Variants in TENM2 observed in about 807,000 individuals in gnomAD.
TENM2 encodes teneurin-2.
A neutral mutation model predicts 245.2 loss-of-function variants in TENM2; 52 were observed. That is an observed-to-expected ratio of 0.21 (90% confidence interval 0.17 to 0.27). The LOEUF (loss-of-function observed/expected upper bound fraction) is 0.27. Among genes scored for constraint, TENM2 ranks in the 10% least tolerant of loss-of-function variants. TENM2 has a pLI of 1.00. For synonymous variants in TENM2, 1,363 were observed against 1,438.9 expected (o/e 0.95, Z 1.19); for missense variants, 3,046 against 3,666.8 (o/e 0.83, Z 4.37).
At chr5:167,651,501 G>A (rs953519824) in intron 2 of TENM2, among the ~76,000 whole-genome samples, 9 of 151,594 alleles carry the variant, frequency 5.9e-5, no homozygotes, top group Non-Finnish European at 1.2e-4. Flanking sequence ...TATTGGTGCC[G>A]ATTCTCCTCA....
chr5:168,055,382 C>T (rs546046053), intron 6 of TENM2, among the ~76,000 whole-genome samples: 8 of 152,310 alleles, frequency 5.3e-5, no homozygotes, highest in South Asian at 2.1e-4. Context: ...TTTTCAATAA[C>T]GCAGACTGCA....
the TENM2 span, among the ~76,000 whole-genome samples, chr5:167,065,581 A>G: frequency 3.9e-5 from 6 of 152,226 alleles, no homozygotes; most frequent in Admixed American, 2.0e-4. Flanking sequence ...AAAGAAATAC[A>G]AAGTCGTTAT....
chr5:167,768,052 T>C (rs902402692), intron 2 of TENM2, among the ~76,000 whole-genome samples: 1 of 152,196 alleles, frequency 6.6e-6, no homozygotes, highest in Non-Finnish European at 1.5e-5. Context: ...TGGCTAGAGT[T>C]GTTCATTCTC....
rs139587161 is a variant in TENM2, at chr5:167,783,919, CA to C, written c.503-92064del. Among the ~76,000 whole-genome samples, 290 of 152,052 alleles carry C rather than the reference CA, an allele frequency of 1.9e-3. 7 individuals carry two copies. The East Asian group carries it at 0.04, about 21-fold the overall frequency. On this transcript the variant is annotated intron_variant, in intron 2 of 28. Transcript: ENST00000518659. ...TCAAGCTTAGAGGTGCAGTGTACCCCAAATACTAATCTGGAATATATGGAGT... is the reference window on the plus strand; with the variant it reads ...TCAAGCTTAGAGGTGCAGTGTACCCCAATACTAATCTGGAATATATGGAGT...
chr5:167,487,463 GTT>G (rs1768147404), intron 2 of TENM2, among the ~76,000 whole-genome samples: 1 of 151,720 alleles, frequency 6.6e-6, no homozygotes, highest in African/African-American at 2.4e-5. Flanking sequence ...ATATATATGT[GTT>G]TTTGTGTGTG....
chr5:167,542,539 A>G (rs1487190888), intron 2 of TENM2, among the ~76,000 whole-genome samples: 1 of 152,110 alleles, frequency 6.6e-6, no homozygotes, highest in African/African-American at 2.4e-5. Context: ...TGAACCTCTC[A>G]AGTGATTCGT....
rs114272243 is a variant in TENM2, at chr5:167,607,917, T to A, written c.502+232444T>A. ...CATAGCCCATTGCTTTTGGTTCTTTTTATTATAACAGAAAATGTACTTCTT... is the reference window on the plus strand; with the variant it reads ...CATAGCCCATTGCTTTTGGTTCTTTATATTATAACAGAAAATGTACTTCTT... On this transcript the variant is annotated intron_variant, in intron 2 of 28. Coordinates refer to ENST00000518659, the Ensembl canonical transcript of TENM2. 8.0e-3 allele frequency among the ~76,000 whole-genome samples: 1,214 copies of A among 152,292 alleles called. 18 individuals carry two copies. Among genetic ancestry groups the A allele is most frequent in the African/African-American group, 0.028 (1,148 of 41,562 alleles).
intron 7 of TENM2, among the ~76,000 whole-genome samples, chr5:168,090,204 T>C (rs2152245498): frequency 7.0e-6 from 1 of 141,886 alleles, no homozygotes; most frequent in Middle Eastern, 3.6e-3. Flanking sequence ...CAACAGCATA[T>C]ACCACTCCCC....
At chr5:168,070,815 G>GA (rs1363624182) in intron 7 of TENM2, among the ~76,000 whole-genome samples, 4 of 131,818 alleles carry the variant, frequency 3.0e-5, no homozygotes, top group African/African-American at 1.1e-4. Context: ...GAGAGAGAGA[G>GA]AGAGAAAAAA....
the TENM2 span, among the ~76,000 whole-genome samples, chr5:167,082,585 G>A: frequency 3.9e-5 from 6 of 152,078 alleles, no homozygotes; most frequent in South Asian, 2.1e-4. Context: ...ATACACAGCC[G>A]AAGTGAGATA....
At chr5:167,939,743 A>G (rs1342827176) in intron 3 of TENM2, among the ~76,000 whole-genome samples, 4 of 151,726 alleles carry the variant, frequency 2.6e-5, no homozygotes, top group Non-Finnish European at 5.9e-5. Flanking sequence ...TGATTTGCAA[A>G]CTCTTAGCAA....
chr5:167,812,707 G>A (rs1766732158), intron 2 of TENM2, among the ~76,000 whole-genome samples: 1 of 152,190 alleles, frequency 6.6e-6, no homozygotes, highest in African/African-American at 2.4e-5. Flanking sequence ...CCAGGCTTGC[G>A]CCTGAGGATA....
chr5:167,962,251 G>A (rs1451232647), intron 4 of TENM2, among the ~76,000 whole-genome samples: 1 of 151,752 alleles, frequency 6.6e-6, no homozygotes, highest in African/African-American at 2.4e-5. Flanking sequence ...GAAAAAAATT[G>A]GTGGGAAGAT....
intron 3 of TENM2, among the ~76,000 whole-genome samples, chr5:167,951,432 G>A (rs920822905): frequency 1.3e-5 from 2 of 152,104 alleles, no homozygotes; most frequent in African/African-American, 4.8e-5. Flanking sequence ...CGAAATTATA[G>A]GCTTCATCGC....
intron 5 of TENM2, among the ~76,000 whole-genome samples, chr5:168,032,338 G>C (rs952423499): frequency 6.6e-6 from 1 of 152,218 alleles, no homozygotes; most frequent in African/African-American, 2.4e-5. Context: ...TTGAGAGTTT[G>C]CCATATCTGG....
intron 1 of TENM2, among the ~76,000 whole-genome samples, chr5:167,295,211 A>G (rs1451519788): frequency 6.6e-6 from 1 of 152,234 alleles, no homozygotes; most frequent in Non-Finnish European, 1.5e-5. Flanking sequence ...CTACTTAGAA[A>G]ATGTGGATGG....
the TENM2 span, among the ~76,000 whole-genome samples, chr5:167,024,784 A>G: frequency 6.6e-6 from 1 of 152,182 alleles, no homozygotes; most frequent in East Asian, 1.9e-4. Context: ...ATGAAGGAGC[A>G]TCCATGCATA....
the TENM2 span, among the ~76,000 whole-genome samples, chr5:167,196,508 ATG>A: frequency 3.6e-3 from 497 of 139,262 alleles, 7 homozygotes; most frequent in African/African-American, 0.015. Context: ...GTGTATATAT[ATG>A]TGTGTGTATA....
At chr5:167,248,491 G>T in the TENM2 span, among the ~76,000 whole-genome samples, 1 of 152,094 alleles carries the variant, frequency 6.6e-6, no homozygotes, top group African/African-American at 2.4e-5. Context: ...TATTGCTAAG[G>T]ATTTCCCAGG....
Sources: allele counts gnomAD v4.1 joint callset (sites outside exome capture counted in the v4.1 genomes callset), GRCh38; gene constraint gnomAD v4.1.1; transcripts MANE v1.5; gene names NCBI Gene and HGNC (gene_info 2026-07-23, HGNC 2026-07-21).